KCNB2: variants seen among roughly 807,000 people sequenced by gnomAD.
The protein encoded by KCNB2 is delayed rectifier potassium channel protein.
KCNB2 carries 15 observed loss-of-function variants against 61.5 expected under a neutral mutation model. That is an observed-to-expected ratio of 0.24 (90% CI 0.16 to 0.38). KCNB2 has a LOEUF of 0.38. KCNB2 is among the 10% of genes least tolerant of loss of function. The pLI is 1.00. For synonymous variants in KCNB2, 457 were observed against 446.0 expected (o/e 1.02, Z -0.31); for missense variants, 828 against 1,125.2 (o/e 0.74, Z 3.78).
At chr8:72,827,016 C>T (rs1268902894) in intron 2 of KCNB2, among the ~76,000 whole-genome samples, 2 of 152,206 alleles carry the variant, frequency 1.3e-5, no homozygotes, top group Admixed American at 1.3e-4. Context: ...TTGCTATTAT[C>T]GTCATCTTTT....
At chr8:72,573,821 G>A (rs1177475081) in intron 2 of KCNB2, among the ~76,000 whole-genome samples, 1 of 152,208 alleles carries the variant, frequency 6.6e-6, no homozygotes, top group Non-Finnish European at 1.5e-5. Flanking sequence ...TGTGTACTAC[G>A]CAGTACTCTC....
chr8:72,654,375 G>C (rs1485150780), intron 2 of KCNB2, among the ~76,000 whole-genome samples: 1 of 152,146 alleles, frequency 6.6e-6, no homozygotes, highest in Non-Finnish European at 1.5e-5. Context: ...AAAGATGAAA[G>C]AGTGACAGCT....
chr8:72,632,092 T>A lies in KCNB2; in HGVS notation c.579+63779T>A, dbSNP rs1002490231. On this transcript the variant is annotated intron_variant, in intron 2 of 2. Coordinates refer to ENST00000523207, the MANE Select transcript of KCNB2 (RefSeq NM_004770.3). ...ATCTTTTAAAAAAAGATTTTTTTTT[T>A]TAAATTAGCTGGATGTGATCACATG... Among the ~76,000 whole-genome samples, 14 of 151,936 alleles carry A rather than the reference T, an allele frequency of 9.2e-5. 1 individual carries two copies. The highest frequency in any genetic ancestry group is 1.9e-4 in the East Asian group (1 of 5,176).
intron 2 of KCNB2, among the ~76,000 whole-genome samples, chr8:72,611,357 C>G (rs974245707): frequency 2.1e-4 from 32 of 152,126 alleles, no homozygotes; most frequent in African/African-American, 7.7e-4. Flanking sequence ...ATAGGGTCAC[C>G]GTATTTTCAG....
At chr8:72,740,707 A>G (rs1807938399) in intron 2 of KCNB2, among the ~76,000 whole-genome samples, 1 of 152,198 alleles carries the variant, frequency 6.6e-6, no homozygotes, top group African/African-American at 2.4e-5. Context: ...AATTACAGCC[A>G]AAGAAAATCC....
chr8:72,605,550 GT>G (rs1805432074), intron 2 of KCNB2, among the ~76,000 whole-genome samples: 4 of 152,110 alleles, frequency 2.6e-5, no homozygotes, highest in Non-Finnish European at 4.4e-5. Flanking sequence ...AGCTTTCTAA[GT>G]CATTAGCAAG....
chr8:72,897,195 G>C (rs961484760), intron 2 of KCNB2, among the ~76,000 whole-genome samples: 2 of 151,862 alleles, frequency 1.3e-5, no homozygotes, highest in Non-Finnish European at 2.9e-5. Context: ...CTAGAATATA[G>C]TGGCCACCCT....
At chr8:72,614,628 C>A (rs1873132) in intron 2 of KCNB2, among the ~76,000 whole-genome samples, 2 of 152,146 alleles carry the variant, frequency 1.3e-5, no homozygotes. Flanking sequence ...GTGTTTATAA[C>A]GGCTCCTGCT....
At chr8:72,780,269 T>G (rs1335450960) in intron 2 of KCNB2, among the ~76,000 whole-genome samples, 1 of 152,228 alleles carries the variant, frequency 6.6e-6, no homozygotes, top group African/African-American at 2.4e-5. Context: ...TGCAAGAATG[T>G]GATCTTGAAA....
chr8:72,596,326 G>T (rs1052574213), intron 2 of KCNB2, among the ~76,000 whole-genome samples: 1 of 152,166 alleles, frequency 6.6e-6, no homozygotes, highest in Non-Finnish European at 1.5e-5. Flanking sequence ...TCAAATACTG[G>T]CTCTGCCGAG....
intron 2 of KCNB2, among the ~76,000 whole-genome samples, chr8:72,609,865 C>T (rs1036346477): frequency 3.3e-5 from 5 of 152,250 alleles, no homozygotes; most frequent in Admixed American, 2.0e-4. Flanking sequence ...TGCCACACTG[C>T]GCAGACCCAG....
chr8:72,664,324 A>G (rs560911681), intron 2 of KCNB2, among the ~76,000 whole-genome samples: 2 of 152,318 alleles, frequency 1.3e-5, no homozygotes, highest in East Asian at 3.9e-4. Flanking sequence ...AGTTTCCTAC[A>G]TTTTGTGCAA....
intron 2 of KCNB2, among the ~76,000 whole-genome samples, chr8:72,656,087 C>A (rs944084753): frequency 6.6e-6 from 1 of 152,118 alleles, no homozygotes; most frequent in Non-Finnish European, 1.5e-5. Flanking sequence ...GCAAAAGAAT[C>A]CTACTTTAAT....
At chr8:72,686,966 A>C (rs1806863675) in intron 2 of KCNB2, among the ~76,000 whole-genome samples, 1 of 152,194 alleles carries the variant, frequency 6.6e-6, no homozygotes, top group Non-Finnish European at 1.5e-5. Flanking sequence ...ATTCCTGTAG[A>C]ATTCCCTGGA....
chr8:72,555,849 G>A (rs757891688), intron 1 of KCNB2, among the ~76,000 whole-genome samples: 26 of 151,984 alleles, frequency 1.7e-4, no homozygotes, highest in African/African-American at 6.0e-4. Context: ...ATGCTGGTGT[G>A]CTGCACCCAT....
intron 2 of KCNB2, among the ~76,000 whole-genome samples, chr8:72,635,017 G>A (rs1805941710): frequency 6.6e-6 from 1 of 152,194 alleles, no homozygotes; most frequent in African/African-American, 2.4e-5. Context: ...TGAAATTTTA[G>A]CATTTGTGTA....
At chr8:72,739,305 C>T (rs1487219515) in intron 2 of KCNB2, among the ~76,000 whole-genome samples, 1 of 151,560 alleles carries the variant, frequency 6.6e-6, no homozygotes, top group African/African-American at 2.4e-5. Flanking sequence ...CACGGTTTCA[C>T]ATTAGGCACT....
At chr8:72,630,434 T>A (rs890605816) in intron 2 of KCNB2, among the ~76,000 whole-genome samples, 4 of 152,212 alleles carry the variant, frequency 2.6e-5, no homozygotes, top group African/African-American at 7.2e-5. Context: ...CTTATATGTT[T>A]AGTACAATTT....
At position 72,918,269 on chromosome 8, in the gene KCNB2, ATCTG is replaced by A. The variant is rs376068587; in HGVS notation, c.580-17660_580-17657del. On this transcript the variant is annotated intron_variant, in intron 2 of 2. Transcript: ENST00000523207. ...TCTTCTGTAGCAGTGCTAAGTCATCATCTGTCTGTGCTTTGTTCTCTTGTCTACT... is the reference window on the plus strand; with the variant it reads ...TCTTCTGTAGCAGTGCTAAGTCATCATCTGTGCTTTGTTCTCTTGTCTACT... Among the ~76,000 whole-genome samples, 28 of 152,330 alleles carry A rather than the reference ATCTG, an allele frequency of 1.8e-4. No homozygotes were observed. In the South Asian group the frequency reaches 5.6e-3, roughly 30 times the overall value.
Sources: allele counts gnomAD v4.1 joint callset (sites outside exome capture counted in the v4.1 genomes callset), GRCh38; gene constraint gnomAD v4.1.1; transcripts MANE v1.5; gene names NCBI Gene and HGNC (gene_info 2026-07-23, HGNC 2026-07-21).